Variants in PPP1R21 observed in about 807,000 individuals in gnomAD.
The protein encoded by PPP1R21 is protein phosphatase 1 regulatory subunit 21.
PPP1R21 carries 85 observed loss-of-function variants against 112.8 expected under a neutral mutation model. That is an observed-to-expected ratio of 0.75 (90% CI 0.63 to 0.90). The LOEUF (loss-of-function observed/expected upper bound fraction) is 0.90. PPP1R21 is among the 40% of genes least tolerant of loss of function. The pLI is 0.00. For synonymous variants in PPP1R21, 381 were observed against 322.3 expected (o/e 1.18, Z -1.95); for missense variants, 1,199 against 901.5 (o/e 1.33, Z -4.23).
intron 14 of PPP1R21, among the ~76,000 whole-genome samples, chr2:48,488,000 A>G (rs747277479): frequency 1.1e-4 from 17 of 152,148 alleles, no homozygotes; most frequent in Non-Finnish European, 2.1e-4. Context: ...CTGTCTTTAT[A>G]TACTATTCTG....
chr2:48,465,663 A>C (rs1442957228), intron 9 of PPP1R21, 21 bp downstream of exon 9: 2 of 1,607,140 alleles, frequency 1.2e-6, no homozygotes, highest in East Asian at 2.2e-5. Context: ...TTCAGGATAC[A>C]TTTTGTTTGC....
Position 48,461,067 on chromosome 2 carries a change from G to A in PPP1R21, c.600-71G>A, listed in dbSNP as rs573786266. On this transcript the variant is annotated intron_variant, in intron 6 of 21. Transcript: ENST00000294952. ...CTGGAAGCCTACTACCAGCTGTTGAGGTAACAAATAAATGAGGATTCACTC... is the reference window on the plus strand; with the variant it reads ...CTGGAAGCCTACTACCAGCTGTTGAAGTAACAAATAAATGAGGATTCACTC... 5.9e-6 allele frequency: 9 copies of A among 1,518,258 alleles called. 1 individual carries two copies. In the African/African-American group the frequency reaches 1.0e-4, roughly 17 times the overall value. The allele number at this position is 1,518,258 out of a possible 1,614,324, so 94.0% of individuals were successfully genotyped here. A position where few individuals can be genotyped will look rare whatever the true frequency, so the allele number is the denominator to read the frequency against.
At chr2:48,511,306 G>C in intron 20 of PPP1R21, 34 bp from the exon 21 acceptor site, 1 of 1,598,184 alleles carries the variant, frequency 6.3e-7, no homozygotes, top group Non-Finnish European at 8.5e-7. Context: ...CGACTCGTGG[G>C]ATGTTGATTT....
At chr2:48,507,749 CTTTTTTTTTTTTTTTTTTT>C (rs34546075) in intron 19 of PPP1R21, among the ~76,000 whole-genome samples, 12 of 42,408 alleles carry the variant, frequency 2.8e-4, no homozygotes, top group African/African-American at 9.2e-4. Flanking sequence ...GAGGCTCTGC[CTTTTTTTTTTTTTTTTTTT>C]TTTTTTTTTT....
At position 48,440,818 on chromosome 2, in the gene PPP1R21, G is replaced by C. The variant is rs563800471; in HGVS notation, c.-136G>C. 22 of 643,558 alleles carry C rather than the reference G, an allele frequency of 3.4e-5. No homozygotes were observed. Among genetic ancestry groups the C allele is most frequent in the Middle Eastern group, 8.1e-4 (2 of 2,470 alleles). 39.9% of individuals were successfully genotyped at this position (643,558 alleles called of 1,614,324 possible). On this transcript the variant is annotated 5_prime_UTR_variant, in exon 1 of 22. Transcript: ENST00000294952. ...CCGGAAGTGGAGGAGGAGGCGCGGCGGCGGCGGCGGCGGCGGCTGCGGTGG... is the reference window on the plus strand; with the variant it reads ...CCGGAAGTGGAGGAGGAGGCGCGGCCGCGGCGGCGGCGGCGGCTGCGGTGG...
intron 14 of PPP1R21, among the ~76,000 whole-genome samples, chr2:48,490,713 G>A (rs553837646): frequency 6.6e-6 from 1 of 152,168 alleles, no homozygotes; most frequent in Non-Finnish European, 1.5e-5. Flanking sequence ...ATGAGGTAAA[G>A]AGCTCATGAA....
Position 48,454,756 on chromosome 2 carries a change from A to G in PPP1R21, c.273+15A>G. 6.2e-7 allele frequency: 1 copy of G among 1,607,474 alleles called. No homozygotes were observed. The highest frequency in any genetic ancestry group is 8.5e-7 in the Non-Finnish European group (1 of 1,173,900). On this transcript the variant is annotated intron_variant, in intron 3 of 21. Transcript: ENST00000294952. ...AGAAAAACAAGGTAGGTTCAAATAC[A>G]GGCAAGTTAGTGTGACCTTGTCGTT...
rs147212066 is a variant in PPP1R21 at position 48,495,683 on chromosome 2, T to C, written c.1604T>C (p.Leu535Pro). 16 of 1,595,514 alleles carry C rather than the reference T, an allele frequency of 1.0e-5. No individual in the cohort carries two copies. The African/African-American group carries it at 1.6e-4, about 16-fold the overall frequency. ...CTTATGATGCTTTTATCATAGCCCC[T>C]CTTGGAGTCTGTGCCTTATGAAGAA... is the stretch of plus-strand genomic sequence containing the variant. ...AAYMKSLRKP[L>P]LESVPYEEAL... Residue 535 changes from leucine (L) to proline (P), a missense_variant, in exon 16 of 22, where the codon CTC becomes CCC. By Grantham distance (98) the Leu-to-Pro change is moderately conservative. Transcript: ENST00000294952.
chr2:48,441,300 T>G, intron 1 of PPP1R21: 1 of 503,608 alleles, frequency 2.0e-6, no homozygotes, highest in Non-Finnish European at 3.6e-6. Flanking sequence ...AATTCTGGCT[T>G]CTTGCCTCTA....
In PPP1R21 at chr2:48,451,183, C is replaced by T. The variant is rs74638485; in HGVS notation, c.126+107C>T. 2.9e-3 allele frequency: 2,459 copies of T among 839,988 alleles called. 35 individuals are homozygous for T. The African/African-American group carries it at 0.036, about 12-fold the overall frequency. 52.0% of individuals were successfully genotyped at this position (839,988 alleles called of 1,614,324 possible). On this transcript the variant is annotated intron_variant, in intron 2 of 21. Transcript: ENST00000294952. ...TAAAGTTCCAACTCTGACACTGATT[C>T]ACTAGGGATAGGGGACAGTAATACA... is the stretch of plus-strand genomic sequence containing the variant.
At chr2:48,507,478 A>G (rs1002521829) in intron 19 of PPP1R21, 93 bp downstream of exon 19, 12 of 1,516,352 alleles carry the variant, frequency 7.9e-6, no homozygotes, top group Non-Finnish European at 9.6e-6. Context: ...ACTGTAAGAG[A>G]GAAGTCAGTG....
Position 48,514,983 on chromosome 2 carries a change from TG to T in PPP1R21, c.*240del. 1 of 505,534 alleles carries T rather than the reference TG, an allele frequency of 2.0e-6. No individual in the cohort carries two copies. The highest frequency in any genetic ancestry group is 3.5e-6 in the Non-Finnish European group (1 of 288,248). The allele number at this position is 505,534 out of a possible 1,614,324, so 31.3% of individuals were successfully genotyped here. A position where few individuals can be genotyped will look rare whatever the true frequency, so the allele number is the denominator to read the frequency against. On this transcript the variant is annotated 3_prime_UTR_variant, in exon 22 of 22. Coordinates refer to ENST00000294952, the MANE Select transcript of PPP1R21 (RefSeq NM_001135629.3). ...AAAACAATACGTATGTCATGGATATTGTAGGTTTCCTTATGCTGTTTTTACT... is the reference window on the plus strand; with the variant it reads ...AAAACAATACGTATGTCATGGATATTTAGGTTTCCTTATGCTGTTTTTACT...
chr2:48,477,330 A>G (rs916004894), intron 12 of PPP1R21, among the ~76,000 whole-genome samples: 2 of 152,026 alleles, frequency 1.3e-5, no homozygotes, highest in African/African-American at 4.8e-5. Context: ...CATGTTGGCC[A>G]GGCTGGTCTC....
At chr2:48,486,136 T>C (rs1669287215) in intron 13 of PPP1R21, among the ~76,000 whole-genome samples, 1 of 152,080 alleles carries the variant, frequency 6.6e-6, no homozygotes, top group Admixed American at 6.6e-5. Flanking sequence ...CGTATTTGGC[T>C]GTGCAGATAC....
rs2103802702 is a variant in PPP1R21 at position 48,461,166 on chromosome 2, G to C, written c.628G>C (p.Asp210His). 1 of 1,576,380 alleles carries C rather than the reference G, an allele frequency of 6.3e-7. No individual in the cohort carries two copies. The part of the protein sequence containing the change: ...CQLQLKTLHE[D>H]LSGRLEESLS... ...ATTACAGTTAAAGACTCTTCATGAA[G>C]ATTTGTCAGGTAGATTAGAGGAATC... is the stretch of plus-strand genomic sequence containing the variant. Residue 210 changes from aspartate (D) to histidine (H), a missense_variant, in exon 7 of 22, where the codon GAT (aspartate) becomes CAT (histidine). Physicochemically the swap from Asp to His is moderately conservative, Grantham distance 81 (BLOSUM62 -1). Transcript: ENST00000294952.
intron 9 of PPP1R21, among the ~76,000 whole-genome samples, chr2:48,469,260 A>AT (rs1326489965): frequency 1.8e-4 from 10 of 56,218 alleles, no homozygotes; most frequent in African/African-American, 6.3e-4. Flanking sequence ...ATATATTTGA[A>AT]TTGTGTGTGT....
intron 9 of PPP1R21, among the ~76,000 whole-genome samples, chr2:48,470,796 C>T (rs1263333516): frequency 6.6e-6 from 1 of 152,148 alleles, no homozygotes; most frequent in Non-Finnish European, 1.5e-5. Flanking sequence ...CTCCCTATTT[C>T]CTCTGATGCC....
At chr2:48,445,943 G>C (rs1372766256) in intron 1 of PPP1R21, among the ~76,000 whole-genome samples, 1 of 152,246 alleles carries the variant, frequency 6.6e-6, no homozygotes, top group Non-Finnish European at 1.5e-5. Context: ...ATCCAGGCCA[G>C]ATACTGCAGC....
At chr2:48,441,275 G>C in intron 1 of PPP1R21, 1 of 537,422 alleles carries the variant, frequency 1.9e-6, no homozygotes, top group South Asian at 2.2e-5. Context: ...GCGGGCTTGG[G>C]ACTGGGATGT....
Sources: allele counts gnomAD v4.1 joint callset (sites outside exome capture counted in the v4.1 genomes callset), GRCh38; gene constraint gnomAD v4.1.1; transcripts MANE v1.5; gene names NCBI Gene and HGNC (gene_info 2026-07-23, HGNC 2026-07-21).